The following NALCN variants were observed in gnomAD, a reference collection of about 807,000 sequenced individuals.
NALCN encodes the protein sodium leak channel NALCN.
Under a neutral mutation model 225.3 loss-of-function variants are expected in NALCN, and 111 were observed. That is an observed-to-expected ratio of 0.49 (90% confidence interval 0.42 to 0.58). The LOEUF is 0.58. NALCN is among the 20% of genes least tolerant of loss of function. The probability of loss-of-function intolerance (pLI) is 0.00; values close to 1 mark genes in which losing one functional copy is unlikely to be tolerated. For missense variants in NALCN, 1,378 were observed against 2,202.4 expected (o/e 0.63, Z 7.49); for synonymous variants, 764 against 769.0 (o/e 0.99, Z 0.11).
intron 6 of NALCN, among the ~76,000 whole-genome samples, chr13:101,347,728 C>T (rs760882771): frequency 5.9e-5 from 9 of 152,278 alleles, no homozygotes; most frequent in Non-Finnish European, 7.4e-5. Context: ...GGCCTCTAAG[C>T]TCAGCTTCCT....
At chr13:101,341,407 T>C (rs866943125) in intron 7 of NALCN, among the ~76,000 whole-genome samples, 4 of 152,332 alleles carry the variant, frequency 2.6e-5, no homozygotes, top group Middle Eastern at 3.4e-3. Flanking sequence ...TACCTCCTTA[T>C]AGCTAACTTG....
rs373722616 is a variant in NALCN at position 101,278,034 on chromosome 13, T to C, written c.1134+5899A>G. Among the ~76,000 whole-genome samples, 55 of 152,272 alleles carry C rather than the reference T, an allele frequency of 3.6e-4. No individual in the cohort carries two copies. In the East Asian group the frequency reaches 5.4e-3, roughly 15 times the overall value. On this transcript the variant is annotated intron_variant, in intron 10 of 43. Coordinates refer to ENST00000251127, the MANE Select transcript of NALCN (RefSeq NM_052867.4). ...TCTGGTTTTTAAACTTTGGGTCAAA[T>C]TTAAAAACAAAGTCCCACTTTGAAC...
intron 11 of NALCN, among the ~76,000 whole-genome samples, chr13:101,241,304 T>A (rs953862787): frequency 2.0e-4 from 31 of 152,336 alleles, no homozygotes; most frequent in African/African-American, 7.2e-4. Context: ...ACCTGGGTCA[T>A]CTTAGAAATT....
chr13:101,258,453 T>C lies in NALCN; in HGVS notation c.1256A>G (p.Tyr419Cys), dbSNP rs751369479. The C allele has an allele frequency of 1.2e-6, 2 of 1,614,110 alleles. No individual in the cohort carries two copies. Among genetic ancestry groups the C allele is most frequent in the Non-Finnish European group, 1.7e-6 (2 of 1,180,016 alleles). The change falls in exon 11 of 44, where the codon TAC becomes TGC. Residue 419 changes from tyrosine to cysteine, a missense_variant. Physicochemically the swap from Tyr to Cys is radical, Grantham distance 194. Coordinates refer to ENST00000251127, the MANE Select transcript of NALCN (RefSeq NM_052867.4). ...ENFRRQYDEF[Y>C]LAEVAFTVLF... ...TGGAGAGCTGCTTACCTCCGCCAGG[T>C]AGAACTCGTCGTACTGCCTCCTGAA...
chr13:101,208,866 G>A (rs2040420463), intron 13 of NALCN, among the ~76,000 whole-genome samples: 1 of 152,194 alleles, frequency 6.6e-6, no homozygotes, highest in Non-Finnish European at 1.5e-5. Flanking sequence ...AGGAGCAGAC[G>A]CTGGTGCTAC....
At chr13:101,109,741 C>A (rs562018289) in intron 20 of NALCN, among the ~76,000 whole-genome samples, 1 of 152,242 alleles carries the variant, frequency 6.6e-6, no homozygotes, top group African/African-American at 2.4e-5. Flanking sequence ...GCTGCTGGGC[C>A]ATATAACGCT....
At chr13:101,410,273 C>T (rs2139554045) in intron 1 of NALCN, among the ~76,000 whole-genome samples, 1 of 152,220 alleles carries the variant, frequency 6.6e-6, no homozygotes, top group South Asian at 2.1e-4. Context: ...CAGGTGATCC[C>T]TGCACACCTC....
intron 1 of NALCN, among the ~76,000 whole-genome samples, chr13:101,402,765 C>T (rs907181297): frequency 2.0e-5 from 3 of 152,202 alleles, no homozygotes; most frequent in Admixed American, 6.5e-5. Context: ...GGTGCCAACA[C>T]CATCATGAAT....
At chr13:101,083,236 C>G in intron 31 of NALCN, 38 bp from the exon 32 acceptor site, 1 of 1,510,962 alleles carries the variant, frequency 6.6e-7, no homozygotes, top group Non-Finnish European at 9.2e-7. Flanking sequence ...ATTTTAGACA[C>G]AGGTCACATT....
At chr13:101,289,009 G>T (rs948970437) in intron 9 of NALCN, among the ~76,000 whole-genome samples, 1 of 152,200 alleles carries the variant, frequency 6.6e-6, no homozygotes, top group Admixed American at 6.5e-5. Flanking sequence ...TCAGGACTTC[G>T]TCTTTCAGCT....
chr13:101,383,385 G>A (rs755480380), intron 3 of NALCN, among the ~76,000 whole-genome samples: 9 of 151,776 alleles, frequency 5.9e-5, no homozygotes, highest in East Asian at 1.9e-4. Flanking sequence ...TTCTCTGAAC[G>A]TATTCTCTGG....
chr13:101,323,970 A>T (rs913057477), intron 7 of NALCN, among the ~76,000 whole-genome samples: 2 of 152,232 alleles, frequency 1.3e-5, no homozygotes, highest in Non-Finnish European at 2.9e-5. Context: ...AGAGGCACTG[A>T]ATAAGCAGAA....
In NALCN at chr13:101,245,512, C is replaced by T. The variant is rs146086942; in HGVS notation, c.1267-7590G>A. ...ATTATATATCTTTTTACATACTCTA[C>T]TTTGGTTATTTGGTCTACAAGGCAA... is the stretch of plus-strand genomic sequence containing the variant. On this transcript the variant is annotated intron_variant, in intron 11 of 43. Transcript: ENST00000251127. Among the ~76,000 whole-genome samples, 500 of 152,126 alleles carry T rather than the reference C, an allele frequency of 3.3e-3. 5 individuals are homozygous for T. The highest frequency in any genetic ancestry group is 0.011 in the African/African-American group (468 of 41,504).
At position 101,146,603 on chromosome 13, in the gene NALCN, T is replaced by A. The variant is rs1332674376; in HGVS notation, c.1840-1707A>T. Among the ~76,000 whole-genome samples the A allele has an allele frequency of 2.7e-5, 4 of 148,010 alleles. No homozygotes were observed. In the East Asian group the frequency reaches 7.7e-4, roughly 29 times the overall value. ...GCAGAAGTAGAAAAAGCAGTTAATC[T>A]ATTAGATCAGATCAGAGTGTAAGGC... On this transcript the variant is annotated intron_variant, in intron 15 of 43. Coordinates refer to ENST00000251127, the MANE Select transcript of NALCN (RefSeq NM_052867.4).
At chr13:101,259,140 C>T (rs920191905) in intron 10 of NALCN, among the ~76,000 whole-genome samples, 9 of 151,978 alleles carry the variant, frequency 5.9e-5, no homozygotes, top group Admixed American at 2.0e-4. Flanking sequence ...AGGTGCTTTA[C>T]ATAAATTAAC....
chr13:101,087,243 A>G (rs1209138090), intron 30 of NALCN, among the ~76,000 whole-genome samples: 1 of 152,046 alleles, frequency 6.6e-6, no homozygotes, highest in Non-Finnish European at 1.5e-5. Context: ...AGATTCCCTC[A>G]TTTTCTATCT....
At chr13:101,120,849 G>C (rs773837665) in intron 18 of NALCN, among the ~76,000 whole-genome samples, 3 of 152,136 alleles carry the variant, frequency 2.0e-5, no homozygotes, top group South Asian at 2.1e-4. Context: ...CTTCAGAACA[G>C]TAACTATTAC....
chr13:101,072,025 A>G (rs937063788), intron 37 of NALCN, among the ~76,000 whole-genome samples: 6 of 152,180 alleles, frequency 3.9e-5, no homozygotes, highest in African/African-American at 1.4e-4. Flanking sequence ...CAGAAGACAT[A>G]TGACATTTAT....
chr13:101,177,606 G>A (rs979529769), intron 14 of NALCN, among the ~76,000 whole-genome samples: 1 of 151,628 alleles, frequency 6.6e-6, no homozygotes. Flanking sequence ...TTTAGAACAG[G>A]TAAATAAAAT....
Sources: allele counts gnomAD v4.1 joint callset (sites outside exome capture counted in the v4.1 genomes callset), GRCh38; gene constraint gnomAD v4.1.1; transcripts MANE v1.5; gene names NCBI Gene and HGNC (gene_info 2026-07-23, HGNC 2026-07-21).